COPS3: variants seen among roughly 807,000 people sequenced by gnomAD.
The protein encoded by COPS3 is COP9 signalosome complex subunit 3.
In COPS3, 10 loss-of-function variants were observed where a neutral mutation model predicts 58.2. That is an observed-to-expected ratio of 0.17 (90% CI 0.11 to 0.29). COPS3 has a LOEUF of 0.29. COPS3 is among the 10% of genes least tolerant of loss of function. The pLI, the probability that COPS3 is intolerant of heterozygous loss-of-function variation, is 1.00. For missense variants in COPS3, 333 were observed against 510.1 expected (o/e 0.65, Z 3.34); for synonymous variants, 187 against 181.7 (o/e 1.03, Z -0.24).
In COPS3 at chr17:17,264,739, A is replaced by AC. The variant is rs1555619288; in HGVS notation, c.621+62_621+63insG. On this transcript the variant is annotated intron_variant, in intron 6 of 11. Transcript: ENST00000268717. ...ATCAGACCACTCTAGCCACAAACCT[A>AC]TGGGAGCACTTTTTTGATCACACAA... 4.8e-6 allele frequency: 7 copies of AC among 1,453,208 alleles called. No homozygotes were observed. In the East Asian group the frequency reaches 6.8e-5, roughly 14 times the overall value. 90.0% of individuals were successfully genotyped at this position (1,453,208 alleles called of 1,614,324 possible). A position where few individuals can be genotyped will look rare whatever the true frequency, so the allele number is the denominator to read the frequency against.
intron 1 of COPS3, among the ~76,000 whole-genome samples, chr17:17,279,274 A>G (rs2048525895): frequency 6.6e-6 from 1 of 152,144 alleles, no homozygotes; most frequent in Non-Finnish European, 1.5e-5. Context: ...TTCCTATAGC[A>G]TCCTATAACC....
At chr17:17,263,792 G>T (rs1051870230) in intron 6 of COPS3, among the ~76,000 whole-genome samples, 17 of 152,206 alleles carry the variant, frequency 1.1e-4, no homozygotes, top group African/African-American at 4.1e-4. Context: ...GGGATTACAG[G>T]CGTGAGCCAC....
rs1227189253 is a variant in COPS3, at chr17:17,247,549, G to A, written c.1149C>T (p.Cys383=). 3 of 1,614,156 alleles carry A rather than the reference G, an allele frequency of 1.9e-6. No individual in the cohort carries two copies. Among genetic ancestry groups the A allele is most frequent in the Non-Finnish European group, 2.5e-6 (3 of 1,180,036 alleles). The change falls in exon 11 of 12, where the codon TGC becomes TGT. Residue 383 remains cysteine (C), a synonymous_variant. Coordinates refer to ENST00000268717, the MANE Select transcript of COPS3 (RefSeq NM_003653.4). ...LHNIDQEMLK[C]IELDERLKAM... ...CTTTCAGCCGCTCATCCAGCTCAATGCACTTCAGCATCTGCATGACAGGCA... is the reference window on the plus strand; with the variant it reads ...CTTTCAGCCGCTCATCCAGCTCAATACACTTCAGCATCTGCATGACAGGCA...
intron 9 of COPS3, among the ~76,000 whole-genome samples, chr17:17,250,145 G>C (rs139685706): frequency 1.8e-3 from 277 of 152,044 alleles, no homozygotes; most frequent in African/African-American, 6.3e-3. Context: ...TATATGAATG[G>C]AATCATATAC....
chr17:17,268,186 G>C (rs2048269110), intron 4 of COPS3: 11 of 548,496 alleles, frequency 2.0e-5, no homozygotes, highest in Admixed American at 3.8e-5. Context: ...AGATAACTCA[G>C]CACCATTTTT....
chr17:17,265,032 A>G, intron 5 of COPS3, 51 bp from the exon 6 acceptor site: 2 of 1,500,344 alleles, frequency 1.3e-6, no homozygotes, highest in Non-Finnish European at 1.8e-6. Context: ...TTAGGCAGGT[A>G]TTAGCAGAAG....
At chr17:17,278,923 G>A (rs2048516850) in intron 1 of COPS3, among the ~76,000 whole-genome samples, 2 of 148,494 alleles carry the variant, frequency 1.3e-5, no homozygotes, top group Non-Finnish European at 3.0e-5. Flanking sequence ...CACCCAGACT[G>A]GAGGGCAGTG....
chr17:17,266,563 C>G (rs972107550), intron 5 of COPS3, among the ~76,000 whole-genome samples: 1 of 151,968 alleles, frequency 6.6e-6, no homozygotes, highest in African/African-American at 2.4e-5. Context: ...CTTTGGGAGG[C>G]TGAGGTGGGC....
At chr17:17,274,421 C>CCATTTAGCTT (rs772287889) in intron 2 of COPS3, among the ~76,000 whole-genome samples, 1 of 21,854 alleles carries the variant, frequency 4.6e-5, no homozygotes, top group Non-Finnish European at 1.0e-4. Flanking sequence ...TTATGATTAG[C>CCATTTAGCTT]TTTTCTTTTT....
At position 17,270,773 on chromosome 17, in the gene COPS3, A is replaced by C. The variant is rs775070430; in HGVS notation, c.333T>G (p.Leu111=). 2 of 1,596,382 alleles carry C rather than the reference A, an allele frequency of 1.3e-6. No individual in the cohort carries two copies. Among genetic ancestry groups the C allele is most frequent in the South Asian group, 2.2e-5 (2 of 89,198 alleles). Residue 111 remains leucine, a synonymous_variant, in exon 4 of 12, where the codon CTT becomes CTG. Coordinates refer to ENST00000268717, the MANE Select transcript of COPS3 (RefSeq NM_003653.4). ...AGLCHQLTNA[L]VERKQPLRGI... Reference sequence around the variant, plus strand: ...TATTTCTTACCTGTTTTCTTTCCACAAGTGCATTTGTTAGCTGATGGCAAA... The same window carrying C: ...TATTTCTTACCTGTTTTCTTTCCACCAGTGCATTTGTTAGCTGATGGCAAA...
At position 17,248,934 on chromosome 17, in the gene COPS3, C is replaced by T; in HGVS notation, c.1129G>A (p.Asp377Asn). ...YNNPAMLHNI[D>N]QEMLKCIELD... is the part of the protein sequence containing the mutation. The stretch of plus-strand genomic sequence containing the variant: ...CTGGCATTCATGTTTACCTCCTGAT[C>T]AATGTTATGAAGCATGGCTGGGTTA... Residue 377 changes from aspartate to asparagine, a missense_variant, in exon 10 of 12, where the codon GAT becomes AAT. Physicochemically the swap from Asp to Asn is conservative, Grantham distance 23 (BLOSUM62 1). Coordinates refer to ENST00000268717, the MANE Select transcript of COPS3 (RefSeq NM_003653.4). 1 of 1,575,156 alleles carries T rather than the reference C, an allele frequency of 6.3e-7. No homozygotes were observed. Among genetic ancestry groups the T allele is most frequent in the South Asian group, 1.2e-5 (1 of 85,886 alleles).
chr17:17,267,672 C>A (rs563414721), intron 5 of COPS3, among the ~76,000 whole-genome samples: 8 of 151,454 alleles, frequency 5.3e-5, no homozygotes, highest in Non-Finnish European at 7.4e-5. Context: ...CTATTAATTA[C>A]CCTATCTGTT....
rs2047734563 is a variant in COPS3 at position 17,246,728 on chromosome 17, TC to T, written c.*369del. Reference sequence around the variant, plus strand: ...ATAAAAACCTTTCAGATCCAAATCTTCCAAAAATTCCTAAAATCCAGCTATT... The same window carrying T: ...ATAAAAACCTTTCAGATCCAAATCTTCAAAAATTCCTAAAATCCAGCTATT... On this transcript the variant is annotated 3_prime_UTR_variant, in exon 12 of 12. Coordinates refer to ENST00000268717, the MANE Select transcript of COPS3 (RefSeq NM_003653.4). The T allele has an allele frequency of 5.2e-6, 1 of 190,732 alleles. No homozygotes were observed. The highest frequency in any genetic ancestry group is 5.5e-5 in the Admixed American group (1 of 18,154). The allele number at this position is 190,732 out of a possible 1,614,324, so 11.8% of individuals were successfully genotyped here. A position where few individuals can be genotyped will look rare whatever the true frequency, so the allele number is the denominator to read the frequency against.
At chr17:17,263,274 C>A (rs2048145574) in intron 6 of COPS3, among the ~76,000 whole-genome samples, 1 of 130,602 alleles carries the variant, frequency 7.7e-6, no homozygotes, top group Non-Finnish European at 1.6e-5. Context: ...GGCGACAGAG[C>A]AAGACTCCAT....
In COPS3 at chr17:17,269,178, T is replaced by A. The variant is rs8070574; in HGVS notation, c.349-1201A>T. Among the ~76,000 whole-genome samples the A allele has an allele frequency of 3.3e-5, 5 of 151,948 alleles. No homozygotes were observed. The South Asian group carries it at 6.2e-4, about 19-fold the overall frequency. Reference sequence around the variant, plus strand: ...CTCACCTCTATTAAAAATACAAAAATCACTGGGAGGCCGAGGCAGGCGGAT... The same window carrying A: ...CTCACCTCTATTAAAAATACAAAAAACACTGGGAGGCCGAGGCAGGCGGAT... On this transcript the variant is annotated intron_variant, in intron 4 of 11. Transcript: ENST00000268717.
intron 8 of COPS3, among the ~76,000 whole-genome samples, chr17:17,259,918 T>C (rs1393552182): frequency 6.6e-6 from 1 of 151,266 alleles, no homozygotes; most frequent in Non-Finnish European, 1.5e-5. Flanking sequence ...AAAAATGTTC[T>C]AATAGAGATC....
chr17:17,276,173 C>T lies in COPS3; in HGVS notation c.56-9G>A. The T allele has an allele frequency of 6.2e-7, 1 of 1,613,382 alleles. No homozygotes were observed. Among genetic ancestry groups the T allele is most frequent in the Non-Finnish European group, 8.5e-7 (1 of 1,179,512 alleles). ...AAGCTGTGTCATTTGCCCTGGAAAACAGGAACAACACTATTGCATTTCAGC... is the reference window on the plus strand; with the variant it reads ...AAGCTGTGTCATTTGCCCTGGAAAATAGGAACAACACTATTGCATTTCAGC... On this transcript the variant is annotated splice_polypyrimidine_tract_variant and intron_variant, in intron 1 of 11. Transcript: ENST00000268717.
At chr17:17,261,630 C>A in intron 7 of COPS3, 1 of 429,508 alleles carries the variant, frequency 2.3e-6, no homozygotes, top group Non-Finnish European at 4.5e-6. Flanking sequence ...GAGGCAGACG[C>A]AGAAGGACTG....
intron 1 of COPS3, chr17:17,280,566 A>G: frequency 1.6e-6 from 2 of 1,273,576 alleles, no homozygotes; most frequent in Non-Finnish European, 2.1e-6. Context: ...GAAGAAATGG[A>G]GTCCTACGAG....
Sources: gnomAD v4.1 joint callset for allele counts (sites outside exome capture counted in the v4.1 genomes callset) on GRCh38, gnomAD v4.1.1 for gene constraint, MANE v1.5 for transcripts, NCBI Gene and HGNC (gene_info 2026-07-23, HGNC 2026-07-21) for gene names.